GRIK2: variants seen among roughly 807,000 people sequenced by gnomAD.
The protein encoded by GRIK2 is glutamate receptor ionotropic, kainate 2.
Under a neutral mutation model 100.3 loss-of-function variants are expected in GRIK2, and 32 were observed. That is an observed-to-expected ratio of 0.32 (90% CI 0.24 to 0.43). The LOEUF (loss-of-function observed/expected upper bound fraction) is 0.43. Among genes scored for constraint, GRIK2 ranks in the 20% least tolerant of loss-of-function variants. The pLI, the probability that GRIK2 is intolerant of heterozygous loss-of-function variation, is 1.00. For missense variants in GRIK2, 843 were observed against 1,114.9 expected (o/e 0.76, Z 3.47); for synonymous variants, 417 against 389.4 (o/e 1.07, Z -0.83).
Position 101,941,749 on chromosome 6 carries a change from G to T in GRIK2, c.2085+13117G>T, listed in dbSNP as rs371615213. Among the ~76,000 whole-genome samples the T allele has an allele frequency of 2.7e-4, 41 of 152,160 alleles. No homozygotes were observed. The East Asian group carries it at 6.9e-3, about 26-fold the overall frequency. ...AAAGAAATATTGTAAATAAGCAAAAGATCTTTAATTAATCAACTAAAAAAT... is the reference window on the plus strand; with the variant it reads ...AAAGAAATATTGTAAATAAGCAAAATATCTTTAATTAATCAACTAAAAAAT... On this transcript the variant is annotated intron_variant, in intron 14 of 16. Transcript: ENST00000369134.
chr6:101,728,420 A>G (rs749357279), intron 7 of GRIK2, among the ~76,000 whole-genome samples: 6 of 152,090 alleles, frequency 3.9e-5, no homozygotes, highest in African/African-American at 1.2e-4. Flanking sequence ...CAACTTACCC[A>G]CATCACAGTA....
chr6:101,721,421 T>C (rs1774476044), intron 7 of GRIK2, among the ~76,000 whole-genome samples: 2 of 150,636 alleles, frequency 1.3e-5, no homozygotes, highest in Admixed American at 1.3e-4. Flanking sequence ...TAGCTGGGAG[T>C]GGTGGTGTGT....
intron 2 of GRIK2, among the ~76,000 whole-genome samples, chr6:101,593,860 T>C (rs1443326135): frequency 6.6e-6 from 1 of 151,832 alleles, no homozygotes; most frequent in African/African-American, 2.4e-5. Context: ...ATTGGAAAAT[T>C]TTACAGAATT....
intron 7 of GRIK2, among the ~76,000 whole-genome samples, chr6:101,712,506 G>A (rs1159101372): frequency 6.6e-6 from 1 of 151,790 alleles, no homozygotes; most frequent in African/African-American, 2.4e-5. Flanking sequence ...ATTCATTAGT[G>A]TATTTATACA....
intron 2 of GRIK2, among the ~76,000 whole-genome samples, chr6:101,517,355 C>T (rs569642693): frequency 3.9e-5 from 6 of 152,132 alleles, no homozygotes; most frequent in African/African-American, 7.2e-5. Flanking sequence ...AAGTGTTAAG[C>T]GAATTATATT....
At chr6:101,524,925 G>T (rs1775074089) in intron 2 of GRIK2, among the ~76,000 whole-genome samples, 1 of 151,898 alleles carries the variant, frequency 6.6e-6, no homozygotes, top group Non-Finnish European at 1.5e-5. Context: ...TAGAGATGGG[G>T]TTTCCCCATG....
At chr6:101,987,656 A>G (rs1794092000) in intron 14 of GRIK2, among the ~76,000 whole-genome samples, 2 of 150,284 alleles carry the variant, frequency 1.3e-5, no homozygotes, top group African/African-American at 4.9e-5. Context: ...ATATATAAGT[A>G]TATAGTTATA....
chr6:101,761,829 CCTTT>C (rs1324152736), intron 7 of GRIK2, among the ~76,000 whole-genome samples: 1 of 121,350 alleles, frequency 8.2e-6, no homozygotes, highest in Admixed American at 1.1e-4. Flanking sequence ...TTCTTTTCTT[CCTTT>C]GTTTCCTTTC....
At chr6:102,063,067 G>T (rs1344334838) in intron 16 of GRIK2, among the ~76,000 whole-genome samples, 1 of 150,438 alleles carries the variant, frequency 6.6e-6, no homozygotes, top group Admixed American at 6.6e-5. Context: ...TCCATAATTA[G>T]TTAACAAATA....
chr6:102,028,750 G>C (rs9498807), intron 14 of GRIK2, among the ~76,000 whole-genome samples: 6,944 of 150,958 alleles, frequency 0.046, 250 homozygotes, highest in Admixed American at 0.12. Context: ...TGTCAGGTAA[G>C]TTATAATCTT....
At chr6:101,435,044 CTTAGAG>C (rs1769637231) in intron 2 of GRIK2, among the ~76,000 whole-genome samples, 1 of 152,136 alleles carries the variant, frequency 6.6e-6, no homozygotes, top group African/African-American at 2.4e-5. Context: ...AGTCCCAACT[CTTAGAG>C]TTATTATTTT....
intron 2 of GRIK2, among the ~76,000 whole-genome samples, chr6:101,406,048 T>G (rs1418492169): frequency 6.6e-6 from 1 of 152,144 alleles, no homozygotes; most frequent in Non-Finnish European, 1.5e-5. Context: ...TTCCCTCACA[T>G]CTCTTTGATC....
At chr6:101,866,793 C>A (rs1785076043) in intron 11 of GRIK2, among the ~76,000 whole-genome samples, 1 of 151,836 alleles carries the variant, frequency 6.6e-6, no homozygotes, top group African/African-American at 2.4e-5. Context: ...TCTTTGAATT[C>A]CCCATTTACT....
intron 12 of GRIK2, among the ~76,000 whole-genome samples, chr6:101,892,839 T>A (rs1371626838): frequency 6.6e-6 from 1 of 151,526 alleles, no homozygotes; most frequent in Admixed American, 6.6e-5. Context: ...CTTAAAATAA[T>A]CTTGTTTAAA....
chr6:101,615,499 T>C (rs1441059567), intron 2 of GRIK2, among the ~76,000 whole-genome samples: 1 of 151,798 alleles, frequency 6.6e-6, no homozygotes, highest in Admixed American at 6.6e-5. Context: ...TATTGATTAC[T>C]AAGATGCTTC....
rs560421084 is a variant in GRIK2 at position 101,670,193 on chromosome 6, T to C, written c.542-6430T>C. Among the ~76,000 whole-genome samples, 188 of 152,228 alleles carry C rather than the reference T, an allele frequency of 1.2e-3. 1 individual carries two copies. The highest frequency in any genetic ancestry group is 4.3e-3 in the African/African-American group (178 of 41,562). ...CTCATGCAGTTGAAGACTGAATAAG[T>C]AATATTATTCCAGTCATTATATTTA... On this transcript the variant is annotated intron_variant, in intron 4 of 16. Coordinates refer to ENST00000369134, the MANE Select transcript of GRIK2 (RefSeq NM_021956.5).
chr6:101,597,589 A>G (rs1778982410), intron 2 of GRIK2, among the ~76,000 whole-genome samples: 1 of 151,718 alleles, frequency 6.6e-6, no homozygotes, highest in South Asian at 2.1e-4. Context: ...TCAATGCTCT[A>G]TTCTCTGACA....
intron 4 of GRIK2, among the ~76,000 whole-genome samples, chr6:101,647,267 G>A (rs887332354): frequency 9.2e-5 from 14 of 152,038 alleles, no homozygotes; most frequent in Admixed American, 5.3e-4. Flanking sequence ...TAGATGAGGA[G>A]AGACTTTGCA....
At chr6:101,670,318 C>T (rs532406756) in intron 4 of GRIK2, among the ~76,000 whole-genome samples, 24 of 152,158 alleles carry the variant, frequency 1.6e-4, no homozygotes, top group South Asian at 1.4e-3. Flanking sequence ...TAGGAGACGG[C>T]AGGTCCTACT....
Sources: allele counts gnomAD v4.1 joint callset (sites outside exome capture counted in the v4.1 genomes callset), GRCh38; gene constraint gnomAD v4.1.1; transcripts MANE v1.5; gene names NCBI Gene and HGNC (gene_info 2026-07-23, HGNC 2026-07-21).